Variants in TM9SF3 observed in about 807,000 individuals in gnomAD.
TM9SF3 encodes SM-11044-binding protein.
TM9SF3 carries 14 observed loss-of-function variants against 78.6 expected under a neutral mutation model. The ratio of observed to expected loss-of-function variants is 0.18; its 90% CI spans 0.12 to 0.28. The LOEUF (loss-of-function observed/expected upper bound fraction) is 0.28. Among genes scored for constraint, TM9SF3 ranks in the 10% least tolerant of loss-of-function variants. The pLI is 1.00. For synonymous variants in TM9SF3, 231 were observed against 241.7 expected (o/e 0.96, Z 0.41); for missense variants, 496 against 721.9 (o/e 0.69, Z 3.59).
chr10:96,554,137 T>C (rs962396191), intron 5 of TM9SF3, among the ~76,000 whole-genome samples: 2 of 152,180 alleles, frequency 1.3e-5, no homozygotes, highest in Non-Finnish European at 2.9e-5. Context: ...CTCCCTGGGG[T>C]TGTCATAGAG....
chr10:96,580,550 G>A (rs935154428), intron 1 of TM9SF3, among the ~76,000 whole-genome samples: 1 of 152,178 alleles, frequency 6.6e-6, no homozygotes, highest in Non-Finnish European at 1.5e-5. Context: ...ACAGGCGTGA[G>A]CCACTGCGCC....
chr10:96,530,094 C>A (rs1847879750), intron 11 of TM9SF3, among the ~76,000 whole-genome samples: 1 of 152,156 alleles, frequency 6.6e-6, no homozygotes, highest in Non-Finnish European at 1.5e-5. Flanking sequence ...CACTTCCTAG[C>A]ACTCCTGCAG....
At chr10:96,559,825 C>A in intron 4 of TM9SF3, 89 bp from the exon 5 acceptor site, 1 of 690,492 alleles carries the variant, frequency 1.4e-6, no homozygotes, top group Non-Finnish European at 2.4e-6. Context: ...TAGATTTACA[C>A]ACACTTAGAA....
intron 1 of TM9SF3, among the ~76,000 whole-genome samples, chr10:96,583,840 C>A (rs2134164221): frequency 6.6e-6 from 1 of 152,222 alleles, no homozygotes; most frequent in East Asian, 1.9e-4. Context: ...TCAAGACCAG[C>A]CTGGCCAACA....
At chr10:96,579,985 T>G (rs1270376694) in intron 1 of TM9SF3, among the ~76,000 whole-genome samples, 3 of 152,148 alleles carry the variant, frequency 2.0e-5, no homozygotes, top group Non-Finnish European at 4.4e-5. Context: ...GCCCCTGAGC[T>G]CCACAGTCTG....
chr10:96,527,399 AT>A lies in TM9SF3; in HGVS notation c.1625+13del, dbSNP rs749476047. ...AGTTTCCTAAATAAAAGGTAAAAAA[AT>A]GTCTCCACTTACTTTGTTTTGAAAA... is the stretch of plus-strand genomic sequence containing the variant. On this transcript the variant is annotated intron_variant, in intron 13 of 14. Coordinates refer to ENST00000371142, the MANE Select transcript of TM9SF3 (RefSeq NM_020123.4). 30 of 1,601,226 alleles carry A rather than the reference AT, an allele frequency of 1.9e-5. No homozygotes were observed. The East Asian group carries it at 6.5e-4, about 35-fold the overall frequency.
chr10:96,531,614 A>T (rs1167870519), intron 10 of TM9SF3, among the ~76,000 whole-genome samples: 1 of 152,220 alleles, frequency 6.6e-6, no homozygotes, highest in African/African-American at 2.4e-5. Flanking sequence ...ACAGGAAGCC[A>T]AGACACAGAG....
At chr10:96,555,055 T>G (rs1848218337) in intron 5 of TM9SF3, among the ~76,000 whole-genome samples, 1 of 151,994 alleles carries the variant, frequency 6.6e-6, no homozygotes, top group African/African-American at 2.4e-5. Context: ...TCCCCTTCCT[T>G]TCAATTTATC....
intron 1 of TM9SF3, among the ~76,000 whole-genome samples, chr10:96,581,209 G>C (rs1315769887): frequency 1.3e-5 from 2 of 152,304 alleles, no homozygotes; most frequent in East Asian, 1.9e-4. Context: ...TATGTGTTGG[G>C]GGGGTACCAA....
chr10:96,555,308 C>T (rs956476428), intron 5 of TM9SF3, among the ~76,000 whole-genome samples: 2 of 152,108 alleles, frequency 1.3e-5, no homozygotes, highest in African/African-American at 4.8e-5. Flanking sequence ...TACTCACTTC[C>T]ACCTCTGTAT....
intron 3 of TM9SF3, among the ~76,000 whole-genome samples, chr10:96,563,789 ACT>A (rs1488651814): frequency 6.6e-6 from 1 of 151,436 alleles, no homozygotes; most frequent in Non-Finnish European, 1.5e-5. Flanking sequence ...GCGTTAAAAG[ACT>A]CTGAAACCTT....
intron 14 of TM9SF3, among the ~76,000 whole-genome samples, chr10:96,525,836 G>A (rs1002516031): frequency 2.0e-5 from 3 of 151,794 alleles, no homozygotes; most frequent in Non-Finnish European, 4.4e-5. Flanking sequence ...GTAAAACACT[G>A]AGCCCAAAAA....
chr10:96,568,754 G>A (rs764602365), intron 2 of TM9SF3, among the ~76,000 whole-genome samples: 6 of 151,670 alleles, frequency 4.0e-5, no homozygotes, highest in Admixed American at 6.6e-5. Flanking sequence ...ATAGAGAAAT[G>A]GGCAGAAAGG....
chr10:96,585,736 T>C (rs183138951), intron 1 of TM9SF3, among the ~76,000 whole-genome samples: 4 of 152,316 alleles, frequency 2.6e-5, no homozygotes, highest in Admixed American at 2.0e-4. Context: ...CTCAGATCGT[T>C]CTGATTTAGT....
chr10:96,566,912 G>A (rs1370359925), intron 2 of TM9SF3, among the ~76,000 whole-genome samples: 1 of 152,146 alleles, frequency 6.6e-6, no homozygotes, highest in African/African-American at 2.4e-5. Context: ...CCAGGCTTAA[G>A]GGACAACAAA....
chr10:96,567,826 T>C (rs989288857), intron 2 of TM9SF3, among the ~76,000 whole-genome samples: 12 of 152,198 alleles, frequency 7.9e-5, no homozygotes, highest in African/African-American at 2.7e-4. Context: ...AACAAAAAAT[T>C]TTAAGAGCAT....
intron 10 of TM9SF3, among the ~76,000 whole-genome samples, chr10:96,531,183 G>GT (rs1440910829): frequency 1.3e-5 from 2 of 152,010 alleles, no homozygotes; most frequent in Non-Finnish European, 2.9e-5. Flanking sequence ...ACTGTAATTG[G>GT]TAATTCCCCA....
chr10:96,537,610 A>G (rs751063023), intron 9 of TM9SF3, among the ~76,000 whole-genome samples: 2 of 152,236 alleles, frequency 1.3e-5, no homozygotes, highest in African/African-American at 2.4e-5. Flanking sequence ...AGGCAGGCGG[A>G]TCACCTAAGG....
chr10:96,561,557 C>T (rs1848309062), intron 4 of TM9SF3, among the ~76,000 whole-genome samples: 1 of 152,166 alleles, frequency 6.6e-6, no homozygotes, highest in South Asian at 2.1e-4. Flanking sequence ...GTATATTATT[C>T]CAACTGACAG....
Sources: gnomAD v4.1 joint callset for allele counts (sites outside exome capture counted in the v4.1 genomes callset) on GRCh38, gnomAD v4.1.1 for gene constraint, MANE v1.5 for transcripts, NCBI Gene and HGNC (gene_info 2026-07-23, HGNC 2026-07-21) for gene names.